FTO: variants seen among roughly 807,000 people sequenced by gnomAD.
FTO encodes the protein FTO alpha-ketoglutarate dependent dioxygenase.
FTO carries 47 observed loss-of-function variants against 63.9 expected under a neutral mutation model. The observed-to-expected ratio is 0.74, with a 90% confidence interval of 0.58 to 0.94. FTO has a LOEUF of 0.94. Ranked by LOEUF, FTO falls within the 40% of genes least tolerant of loss-of-function variation. The pLI is 0.00. For missense variants in FTO, 562 were observed against 618.1 expected (o/e 0.91, Z 0.96); for synonymous variants, 207 against 224.4 (o/e 0.92, Z 0.69).
rs71380059 is a variant in FTO at position 54,048,112 on chromosome 16, TAA to T, written c.1365-63639_1365-63638del. On this transcript the variant is annotated intron_variant, in intron 8 of 8. Transcript: ENST00000471389. ...ATGTACCCTAAAACTTAGAGTATAA[TAA>T]AAAAAAAAAATTAAAAAAAAAAAAA... 1.1e-4 allele frequency among the ~76,000 whole-genome samples: 4 copies of T among 36,338 alleles called. 1 individual carries two copies. Among genetic ancestry groups the T allele is most frequent in the African/African-American group, 8.0e-4 (4 of 5,006 alleles). 23.8% of individuals were successfully genotyped at this position (36,338 alleles called of 152,430 possible). A position where few individuals can be genotyped will look rare whatever the true frequency, so the allele number is the denominator to read the frequency against.
intron 1 of FTO, among the ~76,000 whole-genome samples, chr16:53,728,062 G>T (rs552361473): frequency 9.9e-5 from 15 of 152,128 alleles, no homozygotes; most frequent in African/African-American, 3.1e-4. Flanking sequence ...AACATAGTGA[G>T]ACCCTGTCTC....
At chr16:53,996,626 T>C (rs1392852476) in intron 8 of FTO, among the ~76,000 whole-genome samples, 3 of 152,162 alleles carry the variant, frequency 2.0e-5, no homozygotes, top group African/African-American at 7.2e-5. Context: ...TTAGCTCTTA[T>C]GCTGCTGATA....
chr16:54,027,405 T>C (rs777277436), intron 8 of FTO, among the ~76,000 whole-genome samples: 4 of 152,108 alleles, frequency 2.6e-5, no homozygotes, highest in African/African-American at 4.8e-5. Context: ...TGTACTAAAC[T>C]AAAACTTTAG....
At chr16:53,748,997 C>T (rs908482975) in intron 1 of FTO, among the ~76,000 whole-genome samples, 1 of 151,586 alleles carries the variant, frequency 6.6e-6, no homozygotes, top group African/African-American at 2.4e-5. Flanking sequence ...AACTCCTGAC[C>T]TCAGGTGATC....
At chr16:53,986,682 A>G (rs1321408999) in intron 8 of FTO, among the ~76,000 whole-genome samples, 1 of 152,158 alleles carries the variant, frequency 6.6e-6, no homozygotes, top group Non-Finnish European at 1.5e-5. Flanking sequence ...TTGCTATATA[A>G]TCTCTAGTAG....
At chr16:54,102,236 G>A (rs1441980073) in intron 8 of FTO, among the ~76,000 whole-genome samples, 1 of 152,228 alleles carries the variant, frequency 6.6e-6, no homozygotes, top group African/African-American at 2.4e-5. Flanking sequence ...CCTGGACATA[G>A]GAATGGACAG....
Position 53,888,295 on chromosome 16 carries a change from C to T in FTO, c.1120-537C>T, listed in dbSNP as rs535932970. On this transcript the variant is annotated intron_variant, in intron 6 of 8. Coordinates refer to ENST00000471389, the MANE Select transcript of FTO (RefSeq NM_001080432.3). ...TATAGCTCACTGCAGCCTCAAACTC[C>T]TAGGCTCAGGGAATCCTCTTGCCTC... Among the ~76,000 whole-genome samples the T allele has an allele frequency of 8.9e-5, 11 of 123,796 alleles. No homozygotes were observed. The East Asian group carries it at 3.4e-3, about 39-fold the overall frequency. 81.2% of individuals were successfully genotyped at this position (123,796 alleles called of 152,430 possible). A position where few individuals can be genotyped will look rare whatever the true frequency, so the allele number is the denominator to read the frequency against.
chr16:53,829,687 G>A (rs1277133077), intron 3 of FTO, among the ~76,000 whole-genome samples: 1 of 152,188 alleles, frequency 6.6e-6, no homozygotes, highest in Middle Eastern at 3.2e-3. Context: ...GTTTGTCAAT[G>A]AGCTGTTCTA....
intron 8 of FTO, chr16:53,992,742 G>A (rs1269651650): frequency 1.3e-5 from 2 of 152,104 alleles, no homozygotes; most frequent in Non-Finnish European, 1.5e-5. Flanking sequence ...AGACTGGGCG[G>A]TTTATTCCCC....
At chr16:54,109,619 C>T (rs2086831138) in intron 8 of FTO, among the ~76,000 whole-genome samples, 1 of 152,212 alleles carries the variant, frequency 6.6e-6, no homozygotes, top group South Asian at 2.1e-4. Flanking sequence ...AGGTGTGAGC[C>T]ACCACGCCTG....
rs570163774 is a variant in FTO at position 53,792,052 on chromosome 16, G to A, written c.46-18088G>A. Among the ~76,000 whole-genome samples the A allele has an allele frequency of 2.0e-5, 3 of 150,162 alleles. No homozygotes were observed. In the South Asian group the frequency reaches 6.3e-4, roughly 32 times the overall value. On this transcript the variant is annotated intron_variant, in intron 1 of 8. Coordinates refer to ENST00000471389, the MANE Select transcript of FTO (RefSeq NM_001080432.3). The stretch of plus-strand genomic sequence containing the variant: ...GATTGCGCCACTGCACTCCCGCCTG[G>A]GCCACAGAGCGAGACTTCGTCTCAA...
At chr16:53,925,777 C>T (rs1033853563) in intron 7 of FTO, among the ~76,000 whole-genome samples, 1 of 152,172 alleles carries the variant, frequency 6.6e-6, no homozygotes, top group African/African-American at 2.4e-5. Flanking sequence ...TTAGGACATA[C>T]TGAAAGTTAC....
intron 4 of FTO, among the ~76,000 whole-genome samples, chr16:53,866,776 A>G (rs778931407): frequency 6.6e-6 from 1 of 152,044 alleles, no homozygotes; most frequent in Non-Finnish European, 1.5e-5. Flanking sequence ...TAGTCTGCCT[A>G]GAGGTTTATC....
At chr16:53,997,704 CTTT>C (rs10595845) in intron 8 of FTO, among the ~76,000 whole-genome samples, 65 of 149,330 alleles carry the variant, frequency 4.4e-4, no homozygotes, top group African/African-American at 1.5e-3. Context: ...TGATTTGGAT[CTTT>C]TTTTTTTTAG....
chr16:53,731,974 C>T (rs2076280459), intron 1 of FTO, among the ~76,000 whole-genome samples: 1 of 151,804 alleles, frequency 6.6e-6, no homozygotes, highest in Non-Finnish European at 1.5e-5. Flanking sequence ...AAACCGCCCA[C>T]CTCGGCCTCC....
intron 7 of FTO, among the ~76,000 whole-genome samples, chr16:53,890,792 T>A (rs1251659416): frequency 6.6e-6 from 1 of 152,204 alleles, no homozygotes; most frequent in Non-Finnish European, 1.5e-5. Flanking sequence ...TTTTATGGGC[T>A]GCTTATATAA....
chr16:53,857,674 G>C (rs1015175232), intron 4 of FTO, among the ~76,000 whole-genome samples: 2 of 152,026 alleles, frequency 1.3e-5, no homozygotes, highest in African/African-American at 4.8e-5. Flanking sequence ...CCACACAAAG[G>C]GTATCCCTCT....
intron 8 of FTO, among the ~76,000 whole-genome samples, chr16:54,048,571 A>G (rs1365757065): frequency 2.6e-5 from 4 of 152,202 alleles, no homozygotes; most frequent in Admixed American, 2.6e-4. Flanking sequence ...ACTTCAGGAA[A>G]AAGAAAAAAG....
intron 4 of FTO, 63 bp downstream of exon 4, chr16:53,844,361 T>C (rs1043638496): frequency 7.6e-7 from 1 of 1,309,734 alleles, no homozygotes; most frequent in African/African-American, 1.5e-5. Context: ...TTATAGGATT[T>C]ATATTTTGAG....
Sources: gnomAD v4.1 joint callset for allele counts (sites outside exome capture counted in the v4.1 genomes callset) on GRCh38, gnomAD v4.1.1 for gene constraint, MANE v1.5 for transcripts, NCBI Gene and HGNC (gene_info 2026-07-23, HGNC 2026-07-21) for gene names.